The following REDIC1 variants were observed in gnomAD, a reference collection of about 807,000 sequenced individuals.
REDIC1 encodes HEI10 Interacting Protein 1.
chr12:39,786,032 T>C, the REDIC1 span, among the ~76,000 whole-genome samples: 2 of 152,078 alleles, frequency 1.3e-5, no homozygotes, highest in Non-Finnish European at 2.9e-5. Context: ...GACTTTTGAG[T>C]TAATGCTGAA....
the REDIC1 span, among the ~76,000 whole-genome samples, chr12:39,710,962 G>A: frequency 2.0e-5 from 3 of 150,650 alleles, no homozygotes; most frequent in South Asian, 2.1e-4. Flanking sequence ...AAGTTCTTTA[G>A]TGGTGATTTG....
At chr12:39,712,597 A>T in the REDIC1 span, among the ~76,000 whole-genome samples, 24 of 144,868 alleles carry the variant, frequency 1.7e-4, no homozygotes, top group Non-Finnish European at 3.4e-4. Context: ...ATACGTATAT[A>T]CATATATATG....
chr12:39,648,998 G>T, the REDIC1 span, among the ~76,000 whole-genome samples: 1 of 151,686 alleles, frequency 6.6e-6, no homozygotes, highest in Non-Finnish European at 1.5e-5. Context: ...TACCCATTCA[G>T]TTTATATTTC....
At chr12:39,907,009 T>C in the REDIC1 span, among the ~76,000 whole-genome samples, 2 of 152,298 alleles carry the variant, frequency 1.3e-5, no homozygotes, top group South Asian at 4.1e-4. Flanking sequence ...GTGTATATAG[T>C]GAGTTATTTA....
chr12:39,900,836 T>C, the REDIC1 span, among the ~76,000 whole-genome samples: 12,042 of 152,212 alleles, frequency 0.079, 657 homozygotes, highest in Admixed American at 0.14. Flanking sequence ...TGGAAAAAAC[T>C]ACTTTAAAGT....
chr12:39,713,393 GACACATAC>G, the REDIC1 span, among the ~76,000 whole-genome samples: 1 of 141,728 alleles, frequency 7.1e-6, no homozygotes, highest in Non-Finnish European at 1.6e-5. Context: ...TATGTGTGTA[GACACATAC>G]GTATGTATAC....
chr12:39,649,490 A>G, the REDIC1 span, among the ~76,000 whole-genome samples: 1 of 151,104 alleles, frequency 6.6e-6, no homozygotes, highest in South Asian at 2.1e-4. Context: ...TCTTAGATGT[A>G]TTAGTTAGCT....
At chr12:39,744,642 A>T in the REDIC1 span, among the ~76,000 whole-genome samples, 1 of 152,308 alleles carries the variant, frequency 6.6e-6, no homozygotes, top group Non-Finnish European at 1.5e-5. Context: ...TGCAAACTCC[A>T]GGGCAACCAC....
At chr12:39,679,209 C>A in the REDIC1 span, among the ~76,000 whole-genome samples, 5 of 152,094 alleles carry the variant, frequency 3.3e-5, no homozygotes, top group Non-Finnish European at 5.9e-5. Context: ...TAAAGAGGAA[C>A]TCAAACTGTT....
At chr12:39,803,513 T>G in the REDIC1 span, among the ~76,000 whole-genome samples, 3 of 152,042 alleles carry the variant, frequency 2.0e-5, no homozygotes, top group African/African-American at 7.2e-5. Flanking sequence ...ACCTTCAGAT[T>G]TAAAAAGATA....
the REDIC1 span, among the ~76,000 whole-genome samples, chr12:39,663,948 G>A: frequency 6.6e-6 from 1 of 151,598 alleles, no homozygotes; most frequent in Non-Finnish European, 1.5e-5. Context: ...GGGTATTCCT[G>A]GCTACCAGAA....
At chr12:39,630,634 TA>T in the REDIC1 span, among the ~76,000 whole-genome samples, 1 of 152,084 alleles carries the variant, frequency 6.6e-6, no homozygotes, top group African/African-American at 2.4e-5. Flanking sequence ...AAATAGGATA[TA>T]AAAAATAAAT....
the REDIC1 span, among the ~76,000 whole-genome samples, chr12:39,734,548 TTTTTG>T: frequency 6.6e-6 from 1 of 152,320 alleles, no homozygotes; most frequent in African/African-American, 2.4e-5. Context: ...TTTCAGAAAA[TTTTTG>T]TAATGTATAT....
the REDIC1 span, among the ~76,000 whole-genome samples, chr12:39,752,246 G>A: frequency 6.6e-6 from 1 of 152,158 alleles, no homozygotes; most frequent in Non-Finnish European, 1.5e-5. Flanking sequence ...CGATGGGCAA[G>A]TGAGCATTAC....
the REDIC1 span, among the ~76,000 whole-genome samples, chr12:39,713,301 CACACAT>C: frequency 0.068 from 1,163 of 17,216 alleles, 78 homozygotes; most frequent in Non-Finnish European, 0.15. Context: ...TATGTGTACA[CACACAT>C]ACGTGTATAT....
the REDIC1 span, among the ~76,000 whole-genome samples, chr12:39,829,143 T>C: frequency 6.6e-6 from 1 of 152,030 alleles, no homozygotes; most frequent in South Asian, 2.1e-4. Context: ...TCAGATAACA[T>C]TTACACATTT....
chr12:39,756,347 TAAA>T, the REDIC1 span: 1 of 151,882 alleles, frequency 6.6e-6, no homozygotes, highest in South Asian at 2.1e-4. Flanking sequence ...ATTTGGTAAT[TAAA>T]AACTTGTCAC....
At chr12:39,799,627 A>G in the REDIC1 span, among the ~76,000 whole-genome samples, 1 of 152,232 alleles carries the variant, frequency 6.6e-6, no homozygotes. Flanking sequence ...ACCTGGTCAA[A>G]AAGATTGGAA....
At chr12:39,861,912 G>A in the REDIC1 span, among the ~76,000 whole-genome samples, 2 of 152,020 alleles carry the variant, frequency 1.3e-5, no homozygotes, top group Non-Finnish European at 1.5e-5. Context: ...TGTGCAGGAC[G>A]TGCAGGTCTG....
Sources: gnomAD v4.1 joint callset for allele counts (sites outside exome capture counted in the v4.1 genomes callset) on GRCh38, gnomAD v4.1.1 for gene constraint, MANE v1.5 for transcripts, NCBI Gene and HGNC (gene_info 2026-07-23, HGNC 2026-07-21) for gene names.